Variants in DST observed in about 807,000 individuals in gnomAD.
DST encodes bullous pemphigoid antigen.
Under a neutral mutation model 875.2 loss-of-function variants are expected in DST, and 253 were observed. That is an observed-to-expected ratio of 0.29 (90% CI 0.26 to 0.32). The LOEUF is 0.32. DST is among the 10% of genes least tolerant of loss of function. The pLI is 1.00. For synonymous variants in DST, 3,124 were observed against 3,197.1 expected, an observed-to-expected ratio of 0.98 and a Z score of 0.77; for missense variants, 8,287 against 9,111.6, an observed-to-expected ratio of 0.91 and a Z score of 3.68.
At position 56,600,187 on chromosome 6, in the gene DST, T is replaced by C. The variant is rs1347040470; in HGVS notation, c.11576A>G (p.Lys3859Arg). The C allele has an allele frequency of 1.2e-6, 2 of 1,612,682 alleles. No homozygotes were observed. The highest frequency in any genetic ancestry group is 1.7e-6 in the Non-Finnish European group (2 of 1,179,064). ...AAGAAGATCACATATCCCTTGGAGT[T>C]TCTCTTTATACTCCTGCTGACGCTC... ...VAERQQEYKE[K>R]LQGICDLLTQ... The change falls in exon 45 of 104, where the codon AAA becomes AGA. Residue 3859 changes from lysine to arginine, a missense_variant. Physicochemically the swap from Lys to Arg is conservative, Grantham distance 26 (BLOSUM62 2). Transcript: ENST00000680361.
chr6:56,561,252 C>T lies in DST; in HGVS notation c.14310+56G>A, dbSNP rs1005715386. On this transcript the variant is annotated intron_variant, in intron 57 of 103. Coordinates refer to ENST00000680361, the MANE Select transcript of DST (RefSeq NM_001374736.1). Reference sequence around the variant, plus strand: ...AGCTTCTGACTACCAGAGCTCCGTTCCAACTGCTAATCCATTCTCTTTCAT... The same window carrying T: ...AGCTTCTGACTACCAGAGCTCCGTTTCAACTGCTAATCCATTCTCTTTCAT... 2.7e-5 allele frequency: 41 copies of T among 1,524,768 alleles called. No homozygotes were observed. In the African/African-American group the frequency reaches 3.7e-4, roughly 14 times the overall value. 94.5% of individuals were successfully genotyped at this position (1,524,768 alleles called of 1,614,324 possible). A position where few individuals can be genotyped will look rare whatever the true frequency, so the allele number is the denominator to read the frequency against.
At chr6:56,659,440 T>G (rs1309489389) in intron 10 of DST, among the ~76,000 whole-genome samples, 1 of 152,008 alleles carries the variant, frequency 6.6e-6, no homozygotes, top group Non-Finnish European at 1.5e-5. Flanking sequence ...TACAGTGTCA[T>G]AAAAGCTAAA....
rs2095179736 is a variant in DST at position 56,476,132 on chromosome 6, GATT to G, written c.21864+14_21864+16del. The G allele has an allele frequency of 6.3e-7, 1 of 1,581,616 alleles. No homozygotes were observed. The highest frequency in any genetic ancestry group is 1.3e-5 in the African/African-American group (1 of 74,108). On this transcript the variant is annotated intron_variant, in intron 92 of 103. Transcript: ENST00000680361. Reference sequence around the variant, plus strand: ...TGAGATAATGGTTAACAGGAGTTAGGATTATATTTATTTTACCTGGTGTTCTGC... The same window carrying G: ...TGAGATAATGGTTAACAGGAGTTAGGATATTTATTTTACCTGGTGTTCTGC...
intron 2 of DST, among the ~76,000 whole-genome samples, chr6:56,950,302 C>T (rs1821687658): frequency 6.6e-6 from 1 of 152,152 alleles, no homozygotes; most frequent in South Asian, 2.1e-4. Context: ...CCACTGAGCT[C>T]ATGAATAGGG....
intron 69 of DST, among the ~76,000 whole-genome samples, chr6:56,523,319 G>A (rs909292892): frequency 6.6e-6 from 1 of 151,968 alleles, no homozygotes; most frequent in African/African-American, 2.4e-5. Context: ...GTTCAATAGC[G>A]TATCTTTTCA....
At chr6:56,684,096 A>G (rs2099169371) in intron 9 of DST, among the ~76,000 whole-genome samples, 1 of 152,230 alleles carries the variant, frequency 6.6e-6, no homozygotes, top group Non-Finnish European at 1.5e-5. Flanking sequence ...ATCTGTAAAC[A>G]TGAAAGTCCT....
At chr6:56,954,289 G>C (rs2127829359) in intron 1 of DST, 118 bp downstream of exon 1, 1 of 662,436 alleles carries the variant, frequency 1.5e-6, no homozygotes, top group East Asian at 7.1e-5. Flanking sequence ...TCAGCCTGGG[G>C]AGTGGGCAAT....
chr6:56,866,550 G>A (rs115598274), intron 3 of DST, among the ~76,000 whole-genome samples: 28 of 152,284 alleles, frequency 1.8e-4, no homozygotes, highest in African/African-American at 6.5e-4. Flanking sequence ...CTGATGTGCT[G>A]TTAGGTCTCT....
At chr6:56,463,907 C>G in intron 100 of DST, 143 bp from the exon 101 acceptor site, 1 of 868,892 alleles carries the variant, frequency 1.2e-6, no homozygotes, top group Non-Finnish European at 1.9e-6. Context: ...CCAACTCCAA[C>G]TCAGCATAAC....
chr6:56,826,602 T>C (rs1409816814), intron 4 of DST, among the ~76,000 whole-genome samples: 1 of 152,198 alleles, frequency 6.6e-6, no homozygotes, highest in Admixed American at 6.5e-5. Flanking sequence ...CACATAATCA[T>C]GTGCCTTTTA....
intron 2 of DST, among the ~76,000 whole-genome samples, chr6:56,942,293 G>A (rs924428064): frequency 4.1e-4 from 63 of 152,218 alleles, no homozygotes; most frequent in African/African-American, 1.5e-3. Flanking sequence ...CATAATTGGA[G>A]TGTTTGGCCC....
At chr6:56,723,127 T>C (rs1371443066) in intron 5 of DST, among the ~76,000 whole-genome samples, 1 of 152,250 alleles carries the variant, frequency 6.6e-6, no homozygotes, top group African/African-American at 2.4e-5. Flanking sequence ...ATACATTTTA[T>C]ATCATTCTGG....
chr6:56,741,854 A>G (rs1283692702), intron 4 of DST, among the ~76,000 whole-genome samples: 1 of 152,210 alleles, frequency 6.6e-6, no homozygotes, highest in Non-Finnish European at 1.5e-5. Flanking sequence ...TTATAGATTA[A>G]GTTTTCAATA....
chr6:56,561,263 T>G, intron 57 of DST, 45 bp downstream of exon 57: 1 of 1,553,456 alleles, frequency 6.4e-7, no homozygotes. Context: ...CAACTGCTAA[T>G]CCATTCTCTT....
intron 4 of DST, among the ~76,000 whole-genome samples, chr6:56,845,572 A>T (rs1159664019): frequency 6.6e-6 from 1 of 152,252 alleles, no homozygotes; most frequent in African/African-American, 2.4e-5. Flanking sequence ...ATTTGTATGC[A>T]CATTAGTTCA....
At chr6:56,676,812 T>C (rs1249864466) in intron 9 of DST, among the ~76,000 whole-genome samples, 3 of 152,014 alleles carry the variant, frequency 2.0e-5, no homozygotes, top group Non-Finnish European at 4.4e-5. Flanking sequence ...CTCACTTATA[T>C]GTAGAATCTA....
intron 4 of DST, among the ~76,000 whole-genome samples, chr6:56,751,047 C>T (rs890005868): frequency 1.1e-4 from 16 of 152,142 alleles, no homozygotes; most frequent in Non-Finnish European, 1.6e-4. Flanking sequence ...AGAATCCATG[C>T]TCTTAACCCC....
intron 3 of DST, among the ~76,000 whole-genome samples, chr6:56,890,061 T>A (rs886067147): frequency 1.3e-5 from 2 of 152,106 alleles, no homozygotes; most frequent in African/African-American, 4.8e-5. Flanking sequence ...TGAGGATAAA[T>A]GTCTAGCACT....
chr6:56,604,929 T>C lies in DST; in HGVS notation c.9699A>G (p.Gln3233=), dbSNP rs375752514. Reference sequence around the variant, plus strand: ...TCATGTCATTAAGAGGTGAGTCTTTTTGGGTACTAGTGGACTTCTCTTTTG... The same window carrying C: ...TCATGTCATTAAGAGGTGAGTCTTTCTGGGTACTAGTGGACTTCTCTTTTG... ...NNTKEKSTST[Q]KDSPLNDMIQ... is the part of the protein sequence containing the mutation. Residue 3233 remains glutamine, a synonymous_variant, in exon 40 of 104, where the codon CAA becomes CAG. Transcript: ENST00000680361. 14 of 1,612,694 alleles carry C rather than the reference T, an allele frequency of 8.7e-6. No individual in the cohort carries two copies. In the African/African-American group the frequency reaches 1.7e-4, roughly 20 times the overall value.
Sources: allele counts gnomAD v4.1 joint callset (sites outside exome capture counted in the v4.1 genomes callset), GRCh38; gene constraint gnomAD v4.1.1; transcripts MANE v1.5; gene names NCBI Gene and HGNC (gene_info 2026-07-23, HGNC 2026-07-21).